The following CDH8 variants were observed in gnomAD, a reference collection of about 807,000 sequenced individuals.
CDH8 encodes cadherin-8.
CDH8 carries 17 observed loss-of-function variants against 68.1 expected under a neutral mutation model. The ratio of observed to expected loss-of-function variants is 0.25; its 90% CI spans 0.17 to 0.37. The LOEUF (loss-of-function observed/expected upper bound fraction) is 0.37. CDH8 is among the 10% of genes least tolerant of loss of function. The pLI, the probability that CDH8 is intolerant of heterozygous loss-of-function variation, is 1.00. For missense variants in CDH8, 763 were observed against 999.3 expected (o/e 0.76, Z 3.19); for synonymous variants, 372 against 365.1 (o/e 1.02, Z -0.21).
At chr16:61,959,569 T>TA (rs1491358710) in intron 2 of CDH8, among the ~76,000 whole-genome samples, 1 of 145,620 alleles carries the variant, frequency 6.9e-6, no homozygotes, top group Non-Finnish European at 1.5e-5. Context: ...TATATATATA[T>TA]GTATGTATAT....
chr16:62,022,824 A>G (rs1420904939), intron 1 of CDH8, among the ~76,000 whole-genome samples: 1 of 152,202 alleles, frequency 6.6e-6, no homozygotes, highest in African/African-American at 2.4e-5. Flanking sequence ...CTGCAAGTAC[A>G]GGCAGTATCT....
intron 8 of CDH8, among the ~76,000 whole-genome samples, chr16:61,732,497 C>T: frequency 6.6e-6 from 1 of 151,748 alleles, no homozygotes; most frequent in South Asian, 2.1e-4. Context: ...ACATAACTGT[C>T]AGCCAGGAAT....
chr16:61,701,936 T>C (rs994661286), intron 10 of CDH8, among the ~76,000 whole-genome samples: 1 of 152,256 alleles, frequency 6.6e-6, no homozygotes, highest in Non-Finnish European at 1.5e-5. Flanking sequence ...TTAATTTTTA[T>C]GCTTTTCCTT....
intron 2 of CDH8, among the ~76,000 whole-genome samples, chr16:61,923,802 A>G: frequency 6.8e-6 from 1 of 147,498 alleles, no homozygotes; most frequent in Middle Eastern, 3.6e-3. Flanking sequence ...TGATAAATAT[A>G]TAATATTTAA....
intron 8 of CDH8, among the ~76,000 whole-genome samples, chr16:61,761,757 C>A (rs1296073860): frequency 4.6e-5 from 7 of 152,028 alleles, no homozygotes. Flanking sequence ...AATCCCAGGA[C>A]TTTGGGAGGC....
intron 3 of CDH8, among the ~76,000 whole-genome samples, chr16:61,862,135 T>TCACA (rs3069990): frequency 1.6e-3 from 228 of 146,320 alleles, no homozygotes; most frequent in Middle Eastern, 3.4e-3. Context: ...CAAACACCAC[T>TCACA]CACACACACA....
At chr16:61,801,705 G>A (rs558948120) in intron 7 of CDH8, among the ~76,000 whole-genome samples, 20 of 152,264 alleles carry the variant, frequency 1.3e-4, no homozygotes, top group South Asian at 8.3e-4. Context: ...AAGGGGTGAC[G>A]GACGCACCTG....
chr16:61,652,268 A>G lies in CDH8; in HGVS notation c.*1340T>C. The G allele has an allele frequency of 3.0e-6, 3 of 985,054 alleles. No individual in the cohort carries two copies. The highest frequency in any genetic ancestry group is 2.4e-6 in the Non-Finnish European group (2 of 829,636). 61.0% of individuals were successfully genotyped at this position (985,054 alleles called of 1,614,324 possible). ...CTGTGCATCACCATGAAGATCAGGG[A>G]TAGGAGTGCTAAAAACGTAAACAGT... On this transcript the variant is annotated 3_prime_UTR_variant, in exon 12 of 12. Coordinates refer to ENST00000577390, the MANE Select transcript of CDH8 (RefSeq NM_001796.5).
At chr16:61,842,198 C>G (rs767109334) in intron 4 of CDH8, among the ~76,000 whole-genome samples, 11 of 152,110 alleles carry the variant, frequency 7.2e-5, no homozygotes, top group Non-Finnish European at 1.3e-4. Flanking sequence ...TGAGCCACCG[C>G]ACCCAGCCAG....
At chr16:61,914,638 A>G (rs1313860359) in intron 2 of CDH8, among the ~76,000 whole-genome samples, 2 of 152,100 alleles carry the variant, frequency 1.3e-5, no homozygotes, top group Admixed American at 1.3e-4. Context: ...TGACAATGCA[A>G]GAATGATGCC....
chr16:61,673,339 T>A (rs934323809), intron 10 of CDH8, among the ~76,000 whole-genome samples: 3 of 152,146 alleles, frequency 2.0e-5, no homozygotes, highest in Admixed American at 2.0e-4. Flanking sequence ...ATATTTAGTG[T>A]CCTCTAGGAA....
At chr16:61,676,136 A>T (rs1963904981) in intron 10 of CDH8, among the ~76,000 whole-genome samples, 1 of 135,386 alleles carries the variant, frequency 7.4e-6, no homozygotes, top group Non-Finnish European at 1.6e-5. Flanking sequence ...TACAAACTAC[A>T]CACACACTCA....
At chr16:61,714,778 G>A (rs986380503) in intron 9 of CDH8, among the ~76,000 whole-genome samples, 3 of 151,628 alleles carry the variant, frequency 2.0e-5, no homozygotes, top group Non-Finnish European at 4.4e-5. Flanking sequence ...TGTAGGAAAA[G>A]TTTGAATGTA....
At chr16:61,803,364 GC>G (rs1961706986) in intron 7 of CDH8, among the ~76,000 whole-genome samples, 1 of 133,442 alleles carries the variant, frequency 7.5e-6, no homozygotes, top group African/African-American at 3.0e-5. Flanking sequence ...GCAAAATCAT[GC>G]CAAAATGTAA....
At chr16:61,970,984 A>G (rs909773808) in intron 2 of CDH8, among the ~76,000 whole-genome samples, 4 of 151,780 alleles carry the variant, frequency 2.6e-5, no homozygotes, top group Non-Finnish European at 5.9e-5. Flanking sequence ...TTAAGAAGGT[A>G]CTTTGTAATC....
At chr16:62,011,040 A>T (rs1429895971) in intron 2 of CDH8, among the ~76,000 whole-genome samples, 1 of 147,178 alleles carries the variant, frequency 6.8e-6, no homozygotes, top group Non-Finnish European at 1.5e-5. Flanking sequence ...ACAGAAAAAA[A>T]AATAAATAAA....
At chr16:61,669,965 G>A (rs528535931) in intron 10 of CDH8, among the ~76,000 whole-genome samples, 2 of 152,102 alleles carry the variant, frequency 1.3e-5, no homozygotes, top group East Asian at 1.9e-4. Flanking sequence ...TAAAACTTCA[G>A]CCTTATGACT....
rs1429467156 is a variant in CDH8, at chr16:61,890,144, A to G, written c.547+11035T>C. 2.0e-5 allele frequency among the ~76,000 whole-genome samples: 3 copies of G among 152,196 alleles called. No homozygotes were observed. The East Asian group carries it at 5.8e-4, about 29-fold the overall frequency. On this transcript the variant is annotated intron_variant, in intron 3 of 11. Transcript: ENST00000577390. ...AGTTTTTAGAGAGGAAAACCAATGTATTTAGAAATAGCAAGAGCCAAGATG... is the reference window on the plus strand; with the variant it reads ...AGTTTTTAGAGAGGAAAACCAATGTGTTTAGAAATAGCAAGAGCCAAGATG...
chr16:62,025,081 T>C (rs1902165768), intron 1 of CDH8, among the ~76,000 whole-genome samples: 2 of 152,134 alleles, frequency 1.3e-5, no homozygotes, highest in South Asian at 4.1e-4. Flanking sequence ...ATTGGCAGCA[T>C]TAAAGAAGGT....
Sources: gnomAD v4.1 joint callset for allele counts (sites outside exome capture counted in the v4.1 genomes callset) on GRCh38, gnomAD v4.1.1 for gene constraint, MANE v1.5 for transcripts, NCBI Gene and HGNC (gene_info 2026-07-23, HGNC 2026-07-21) for gene names.